PTPRO: variants seen among roughly 807,000 people sequenced by gnomAD.
PTPRO encodes receptor-type tyrosine-protein phosphatase O.
Under a neutral mutation model 145.2 loss-of-function variants are expected in PTPRO, and 62 were observed. The ratio of observed to expected loss-of-function variants is 0.43; its 90% confidence interval spans 0.35 to 0.53. PTPRO has a LOEUF of 0.53. PTPRO is among the 20% of genes least tolerant of loss of function. PTPRO has a pLI of 0.01. For synonymous variants in PTPRO, 565 were observed against 514.7 expected (o/e 1.10, Z -1.32); for missense variants, 1,345 against 1,482.7 (o/e 0.91, Z 1.53).
At chr12:15,528,244 C>T (rs537591827) in intron 12 of PTPRO, among the ~76,000 whole-genome samples, 27 of 151,058 alleles carry the variant, frequency 1.8e-4, no homozygotes, top group African/African-American at 5.1e-4. Context: ...AGGCTGGGCA[C>T]GGTGGCTCAC....
intron 17 of PTPRO, among the ~76,000 whole-genome samples, chr12:15,564,370 G>A (rs1943847071): frequency 6.6e-6 from 1 of 152,182 alleles, no homozygotes; most frequent in East Asian, 1.9e-4. Context: ...GAATCATTAG[G>A]TGAAATTCAG....
chr12:15,416,421 A>G (rs554089999), intron 1 of PTPRO, among the ~76,000 whole-genome samples: 2 of 150,296 alleles, frequency 1.3e-5, no homozygotes, highest in Admixed American at 6.6e-5. Context: ...CTGGGTTCAC[A>G]CCATTCTCCT....
chr12:15,577,931 C>A (rs1182361304), intron 19 of PTPRO, among the ~76,000 whole-genome samples: 1 of 152,190 alleles, frequency 6.6e-6, no homozygotes, highest in East Asian at 1.9e-4. Context: ...CCCCCTTTCC[C>A]CATAACATAC....
intron 2 of PTPRO, among the ~76,000 whole-genome samples, chr12:15,495,967 C>T (rs1038015284): frequency 6.6e-6 from 1 of 151,962 alleles, no homozygotes; most frequent in African/African-American, 2.4e-5. Context: ...AGATTTTTGT[C>T]CCTGACATCA....
In PTPRO at chr12:15,484,043, G is replaced by C. The variant is rs368110581; in HGVS notation, c.145G>C (p.Val49Leu). 1 of 1,613,596 alleles carries C rather than the reference G, an allele frequency of 6.2e-7. No individual in the cohort carries two copies. The highest frequency in any genetic ancestry group is 1.3e-5 in the African/African-American group (1 of 75,012). ...NIVVSLEASDVISPASVYVVK... is the reference protein window; with the variant it reads ...NIVVSLEASDLISPASVYVVK... ...CGTTGTCTCATTAGAAGCTTCAGAC[G>C]TCATCAGTCCAGCATCTGTGTATGT... Residue 49 changes from valine (V) to leucine (L), a missense_variant, in exon 2 of 27, where the codon GTC becomes CTC. By Grantham distance (32) the Val-to-Leu change is conservative. This residue lies in a region of PTPRO where 1,130 missense variants were observed against 1,214.7 expected (regional missense o/e 0.93). Transcript: ENST00000281171.
At chr12:15,527,973 A>G (rs1162443473) in intron 12 of PTPRO, among the ~76,000 whole-genome samples, 1 of 151,918 alleles carries the variant, frequency 6.6e-6, no homozygotes, top group Non-Finnish European at 1.5e-5. Context: ...AATTCAAAAT[A>G]CAGTTTAAGG....
chr12:15,460,504 A>G (rs962045408), intron 1 of PTPRO, among the ~76,000 whole-genome samples: 4 of 152,224 alleles, frequency 2.6e-5, no homozygotes, highest in African/African-American at 9.6e-5. Flanking sequence ...AATAATGAAG[A>G]GAGTCTTCAT....
At position 15,501,932 on chromosome 12, in the gene PTPRO, G is replaced by C. The variant is rs1188539548; in HGVS notation, c.974G>C (p.Ser325Thr). The change falls in exon 5 of 27, where the codon AGT (serine) becomes ACT (threonine). Residue 325 changes from serine (S) to threonine (T), a missense_variant. This residue lies in a region of PTPRO where 1,130 missense variants were observed against 1,214.7 expected (regional missense o/e 0.93). Coordinates refer to ENST00000281171, the MANE Select transcript of PTPRO (RefSeq NM_030667.3). ...SVLPMEYENN[S>T]TLSETEKSTS... is the part of the protein sequence containing the mutation. ...CTTCCCATGGAATACGAAAATAACAGTACACTCAGTGAGACAGAGAAGTCA... is the reference window on the plus strand; with the variant it reads ...CTTCCCATGGAATACGAAAATAACACTACACTCAGTGAGACAGAGAAGTCA... 7.4e-6 allele frequency: 12 copies of C among 1,613,886 alleles called. No individual in the cohort carries two copies. In the Admixed American group the frequency reaches 1.8e-4, roughly 25 times the overall value.
intron 18 of PTPRO, 100 bp from the exon 19 acceptor site, chr12:15,569,317 A>AT (rs1430259262): frequency 2.6e-6 from 3 of 1,150,404 alleles, no homozygotes; most frequent in African/African-American, 1.6e-5. Context: ...TAAAACTTCT[A>AT]TTTTCTCCAA....
chr12:15,374,539 C>A (rs938856423), intron 1 of PTPRO, among the ~76,000 whole-genome samples: 1 of 152,092 alleles, frequency 6.6e-6, no homozygotes. Flanking sequence ...CTGGAGGGGG[C>A]AGTCCAATTT....
At chr12:15,464,240 G>T (rs1033460386) in intron 1 of PTPRO, among the ~76,000 whole-genome samples, 1 of 152,162 alleles carries the variant, frequency 6.6e-6, no homozygotes, top group African/African-American at 2.4e-5. Flanking sequence ...TACAAGAAAG[G>T]CATGTTTCAG....
intron 1 of PTPRO, among the ~76,000 whole-genome samples, chr12:15,331,968 T>C (rs962693513): frequency 1.4e-5 from 2 of 145,158 alleles, no homozygotes; most frequent in African/African-American, 2.5e-5. Flanking sequence ...CTTTCTTTTT[T>C]TTTTTTTTTT....
intron 19 of PTPRO, among the ~76,000 whole-genome samples, chr12:15,573,963 A>G (rs17222089): frequency 0.22 from 33,682 of 152,192 alleles, 3,904 homozygotes; most frequent in East Asian, 0.3. Flanking sequence ...TGAGATGGCC[A>G]AATCACCTTG....
chr12:15,363,127 A>G (rs1368104209), intron 1 of PTPRO, among the ~76,000 whole-genome samples: 2 of 152,180 alleles, frequency 1.3e-5, no homozygotes, highest in Non-Finnish European at 2.9e-5. Flanking sequence ...TAGGGAGGAA[A>G]ATTGGCACTC....
At chr12:15,475,781 G>A (rs1344674871) in intron 1 of PTPRO, among the ~76,000 whole-genome samples, 1 of 152,106 alleles carries the variant, frequency 6.6e-6, no homozygotes, top group Non-Finnish European at 1.5e-5. Context: ...AGCTCTGGAG[G>A]CAGGACTGTG....
chr12:15,548,928 G>T lies in PTPRO; in HGVS notation c.2305-166G>T, dbSNP rs188974744. Among the ~76,000 whole-genome samples the T allele has an allele frequency of 1.6e-3, 245 of 152,112 alleles. 3 individuals carry two copies. Among genetic ancestry groups the T allele is most frequent in the Admixed American group, 0.015 (235 of 15,276 alleles). On this transcript the variant is annotated intron_variant, in intron 13 of 26. Coordinates refer to ENST00000281171, the MANE Select transcript of PTPRO (RefSeq NM_030667.3). ...AATGCTGCTTCCATGGAAGGGAATTGGTCAGATGGGGAATGGGGAAAAAAG... is the reference window on the plus strand; with the variant it reads ...AATGCTGCTTCCATGGAAGGGAATTTGTCAGATGGGGAATGGGGAAAAAAG...
intron 16 of PTPRO, 28 bp downstream of exon 16, chr12:15,557,551 A>G (rs920895493): frequency 1.3e-6 from 2 of 1,590,772 alleles, no homozygotes; most frequent in Middle Eastern, 1.7e-4. Flanking sequence ...ACAAGCTTCT[A>G]CATAGTTTAA....
intron 1 of PTPRO, among the ~76,000 whole-genome samples, chr12:15,341,562 C>T (rs888390561): frequency 6.6e-6 from 1 of 152,208 alleles, no homozygotes; most frequent in African/African-American, 2.4e-5. Context: ...ATATTTAGCT[C>T]TCAATCTGTT....
At chr12:15,524,751 TG>T in intron 10 of PTPRO, 62 bp from the exon 11 acceptor site, 1 of 1,526,752 alleles carries the variant, frequency 6.5e-7, no homozygotes, top group Non-Finnish European at 9.1e-7. Flanking sequence ...TTTCATGCTC[TG>T]CTGGTAAGTA....
Sources: allele counts gnomAD v4.1 joint callset (sites outside exome capture counted in the v4.1 genomes callset), GRCh38; gene constraint gnomAD v4.1.1; regional missense constraint gnomAD v4.1.1; transcripts MANE v1.5; gene names NCBI Gene and HGNC (gene_info 2026-07-23, HGNC 2026-07-21).